SFMBT2: variants seen among roughly 807,000 people sequenced by gnomAD.
SFMBT2 encodes the protein scm-like with four MBT domains protein 2.
A neutral mutation model predicts 110.1 loss-of-function variants in SFMBT2; 38 were observed. The ratio of observed to expected loss-of-function variants is 0.35; its 90% CI spans 0.27 to 0.45. The LOEUF (loss-of-function observed/expected upper bound fraction) is 0.45, where lower values mean the gene tolerates loss of function less well. SFMBT2 is among the 20% of genes least tolerant of loss of function. The probability of loss-of-function intolerance (pLI) is 1.00; values close to 1 mark genes in which losing one functional copy is unlikely to be tolerated. For missense variants in SFMBT2, 1,011 were observed against 1,094.9 expected (o/e 0.92, Z 1.08); for synonymous variants, 425 against 425.4 (o/e 1.00, Z 0.01).
At chr10:7,309,580 T>A (rs889405844) in intron 4 of SFMBT2, among the ~76,000 whole-genome samples, 3 of 152,168 alleles carry the variant, frequency 2.0e-5, no homozygotes, top group Non-Finnish European at 4.4e-5. Flanking sequence ...CATTGGACTG[T>A]GACAGGATCA....
chr10:7,197,832 A>C, intron 14 of SFMBT2, 145 bp from the exon 15 acceptor site: 1 of 1,269,814 alleles, frequency 7.9e-7, no homozygotes, highest in Non-Finnish European at 1.0e-6. Flanking sequence ...GTCAGGCGTA[A>C]TAAAAGCAAT....
chr10:7,380,043 T>C (rs1003572756), intron 2 of SFMBT2, among the ~76,000 whole-genome samples: 2 of 152,176 alleles, frequency 1.3e-5, no homozygotes, highest in African/African-American at 2.4e-5. Flanking sequence ...GTAATCCACG[T>C]TGGATGTGTG....
At chr10:7,276,610 C>T (rs574416253) in intron 7 of SFMBT2, among the ~76,000 whole-genome samples, 1 of 152,286 alleles carries the variant, frequency 6.6e-6, no homozygotes, top group East Asian at 1.9e-4. Flanking sequence ...CTCACTGTAA[C>T]TTCTGCCTCC....
chr10:7,239,251 A>G (rs1251646412), intron 9 of SFMBT2, among the ~76,000 whole-genome samples: 3 of 152,258 alleles, frequency 2.0e-5, no homozygotes, highest in Non-Finnish European at 4.4e-5. Flanking sequence ...AATTTAGACA[A>G]CCCAATACAT....
At chr10:7,319,668 G>A (rs1843112839) in intron 4 of SFMBT2, among the ~76,000 whole-genome samples, 1 of 150,920 alleles carries the variant, frequency 6.6e-6, no homozygotes, top group Non-Finnish European at 1.5e-5. Flanking sequence ...GAGAGAGAGA[G>A]ACAGAGAGAG....
chr10:7,191,683 G>A (rs1007143757), intron 15 of SFMBT2, among the ~76,000 whole-genome samples: 1 of 152,108 alleles, frequency 6.6e-6, no homozygotes, highest in African/African-American at 2.4e-5. Context: ...TGGCTTATTT[G>A]TTCACCATCC....
chr10:7,348,199 T>C, intron 4 of SFMBT2: 3 of 1,096,710 alleles, frequency 2.7e-6, no homozygotes, highest in South Asian at 4.1e-5. Flanking sequence ...GGTTGGTTTA[T>C]GTTTGAGGGT....
At chr10:7,291,131 C>A (rs866185819) in intron 4 of SFMBT2, among the ~76,000 whole-genome samples, 7 of 152,330 alleles carry the variant, frequency 4.6e-5, no homozygotes, top group Middle Eastern at 3.4e-3. Flanking sequence ...CTCCTCAATG[C>A]CTTCCCACAT....
intron 4 of SFMBT2, among the ~76,000 whole-genome samples, chr10:7,298,282 A>C (rs1182979884): frequency 6.6e-6 from 1 of 152,162 alleles, no homozygotes; most frequent in Non-Finnish European, 1.5e-5. Context: ...AACCCTGACC[A>C]TGACGTCCAC....
intron 4 of SFMBT2, among the ~76,000 whole-genome samples, chr10:7,289,193 G>A (rs193197474): frequency 6.6e-6 from 1 of 152,246 alleles, no homozygotes; most frequent in East Asian, 1.9e-4. Context: ...ATATACAACT[G>A]TACCCCATAA....
chr10:7,199,999 T>G (rs1838899707), intron 14 of SFMBT2, among the ~76,000 whole-genome samples: 1 of 152,206 alleles, frequency 6.6e-6, no homozygotes, highest in South Asian at 2.1e-4. Flanking sequence ...AAGGAACAAT[T>G]CAAAAGCTCG....
In SFMBT2 at chr10:7,333,779, G is replaced by C. The variant is rs1234882413; in HGVS notation, c.436+33870C>G. Among the ~76,000 whole-genome samples, 21 of 149,686 alleles carry C rather than the reference G, an allele frequency of 1.4e-4. 1 individual carries two copies. The highest frequency in any genetic ancestry group is 3.4e-3 in the Middle Eastern group (1 of 292). On this transcript the variant is annotated intron_variant, in intron 4 of 20. Coordinates refer to ENST00000397167, the MANE Select transcript of SFMBT2 (RefSeq NM_001387889.1). ...CCTCCCCACCCCAGCTCCCCACAGGGCCTCCCCGCTTTCTCTCTCCCCCAC... is the reference window on the plus strand; with the variant it reads ...CCTCCCCACCCCAGCTCCCCACAGGCCCTCCCCGCTTTCTCTCTCCCCCAC...
Position 7,202,360 on chromosome 10 carries a change from C to G in SFMBT2, c.1487+120G>C, listed in dbSNP as rs1838982188. ...AACAGTCACTATGTTTTACTGCTAC[C>G]TCTACTAGGGTGCTATTTGTTAGAT... On this transcript the variant is annotated intron_variant, in intron 13 of 20. Coordinates refer to ENST00000397167, the MANE Select transcript of SFMBT2 (RefSeq NM_001387889.1). 4.0e-6 allele frequency: 5 copies of G among 1,250,096 alleles called. 1 individual carries two copies. The highest frequency in any genetic ancestry group is 1.5e-5 in the African/African-American group (1 of 67,548). 77.4% of individuals were successfully genotyped at this position (1,250,096 alleles called of 1,614,324 possible).
At chr10:7,239,265 T>A (rs982308765) in intron 9 of SFMBT2, among the ~76,000 whole-genome samples, 2 of 152,200 alleles carry the variant, frequency 1.3e-5, no homozygotes, top group Non-Finnish European at 2.9e-5. Flanking sequence ...AATACATTCA[T>A]GGGAAACATA....
chr10:7,395,774 A>G (rs1158999196), intron 1 of SFMBT2, among the ~76,000 whole-genome samples: 1 of 147,980 alleles, frequency 6.8e-6, no homozygotes, highest in Non-Finnish European at 1.5e-5. Context: ...TGGATGTAAA[A>G]TTTTCTATTA....
chr10:7,163,102 CA>C lies in SFMBT2; in HGVS notation c.*667del. 2 of 164,740 alleles carry C rather than the reference CA, an allele frequency of 1.2e-5. No individual in the cohort carries two copies. The highest frequency in any genetic ancestry group is 2.6e-5 in the Non-Finnish European group (2 of 77,474). 10.2% of individuals were successfully genotyped at this position (164,740 alleles called of 1,614,324 possible). A position where few individuals can be genotyped will look rare whatever the true frequency, so the allele number is the denominator to read the frequency against. ...TGGGCGACAGAGCAAGACCCTGTCT[CA>C]AAAAACACAACAAAATGAACAACAA... On this transcript the variant is annotated 3_prime_UTR_variant, in exon 21 of 21. Transcript: ENST00000397167. The surrounding 1 kb of genome is among the most constrained non-coding windows in gnomAD (Gnocchi z 4.8).
chr10:7,404,654 G>A (rs1023304679), intron 1 of SFMBT2, among the ~76,000 whole-genome samples: 8 of 152,168 alleles, frequency 5.3e-5, no homozygotes, highest in African/African-American at 1.9e-4. Flanking sequence ...AAAACGCAAT[G>A]GATTCTTTCT....
chr10:7,201,889 T>C (rs1838968949), intron 13 of SFMBT2, among the ~76,000 whole-genome samples: 1 of 152,190 alleles, frequency 6.6e-6, no homozygotes, highest in Non-Finnish European at 1.5e-5. Flanking sequence ...CAGGGCATAA[T>C]CTGTATTTGT....
chr10:7,271,768 T>C (rs1484328506), intron 7 of SFMBT2, among the ~76,000 whole-genome samples: 2 of 152,100 alleles, frequency 1.3e-5, no homozygotes, highest in East Asian at 3.8e-4. Flanking sequence ...ACAATCATAG[T>C]GGAAAATGAA....
Sources: gnomAD v4.1 joint callset for allele counts (sites outside exome capture counted in the v4.1 genomes callset) on GRCh38, gnomAD v4.1.1 for gene constraint, Gnocchi (gnomAD v3.1) non-coding constraint, MANE v1.5 for transcripts, NCBI Gene and HGNC (gene_info 2026-07-23, HGNC 2026-07-21) for gene names.